ARPC1B: variants seen among roughly 807,000 people sequenced by gnomAD.
ARPC1B encodes the protein actin-related protein 2/3 complex subunit 1B.
In ARPC1B, 29 loss-of-function variants were observed where a neutral mutation model predicts 46.0. The ratio of observed to expected loss-of-function variants is 0.63; its 90% CI spans 0.47 to 0.86. ARPC1B has a LOEUF of 0.86. Among genes scored for constraint, ARPC1B ranks in the 40% least tolerant of loss-of-function variants. ARPC1B has a pLI of 0.00. For missense variants in ARPC1B, 469 were observed against 529.4 expected (o/e 0.89, Z 1.12); for synonymous variants, 201 against 213.9 (o/e 0.94, Z 0.53).
chr7:99,386,913 A>G, intron 3 of ARPC1B, 124 bp downstream of exon 3: 1 of 738,816 alleles, frequency 1.4e-6, no homozygotes, highest in Non-Finnish European at 2.3e-6. Flanking sequence ...CCGGATTCAA[A>G]CTGGCTTCAA....
intron 8 of ARPC1B, 129 bp from the exon 9 acceptor site, chr7:99,393,900 A>C: frequency 1.1e-6 from 1 of 880,438 alleles, no homozygotes; most frequent in Non-Finnish European, 1.9e-6. Flanking sequence ...TTCTAAGCCC[A>C]CTACACCCCC....
rs140507816 is a variant in ARPC1B, at chr7:99,394,067, C to T, written c.1028C>T (p.Ser343Leu). The change falls in exon 9 of 10, where the codon TCG (serine) becomes TTG (leucine). Residue 343 changes from serine to leucine, a missense_variant. Coordinates refer to ENST00000646101, the MANE Select transcript of ARPC1B (RefSeq NM_005720.4). Reference sequence around the variant, plus strand: ...CTCAGCGGCGGCAAGGCCAAGTGCTCGCAGTTCTGCACCACTGGCATGGAT... The same window carrying T: ...CTCAGCGGCGGCAAGGCCAAGTGCTTGCAGTTCTGCACCACTGGCATGGAT... ...SVLSGGKAKC[S>L]QFCTTGMDGG... 23 of 1,613,428 alleles carry T rather than the reference C, an allele frequency of 1.4e-5. No individual in the cohort carries two copies. The African/African-American group carries it at 2.1e-4, about 15-fold the overall frequency.
chr7:99,377,628 TCTTC>T (rs1794066086), intron 1 of ARPC1B, among the ~76,000 whole-genome samples: 3 of 149,416 alleles, frequency 2.0e-5, no homozygotes, highest in African/African-American at 7.3e-5. Context: ...TTCTTCTTCT[TCTTC>T]TTTTTTTTTT....
In ARPC1B at chr7:99,392,895, C is replaced by A. The variant is rs1794616637; in HGVS notation, c.989+19C>A. ...GCGTCAGGTGAGAGCGGGAGCCGGG[C>A]CGGCGGGTGGGCGGGGCCTCGGCTC... is the stretch of plus-strand genomic sequence containing the variant. On this transcript the variant is annotated intron_variant, in intron 8 of 9. Coordinates refer to ENST00000646101, the MANE Select transcript of ARPC1B (RefSeq NM_005720.4). The A allele has an allele frequency of 1.3e-6, 2 of 1,523,600 alleles. No individual in the cohort carries two copies. Among genetic ancestry groups the A allele is most frequent in the Non-Finnish European group, 1.8e-6 (2 of 1,130,844 alleles). 94.4% of individuals were successfully genotyped at this position (1,523,600 alleles called of 1,614,324 possible).
rs992281050 is a variant in ARPC1B, at chr7:99,392,571, G to A, written c.784-100G>A. ...CGCTGTGGCCCGTCTGTATCCTTGA[G>A]CTGGCATCTGCCTCCCGGGCGGCCA... On this transcript the variant is annotated intron_variant, in intron 7 of 9. Transcript: ENST00000646101. 2.7e-5 allele frequency: 29 copies of A among 1,076,124 alleles called. No individual in the cohort carries two copies. The Middle Eastern group carries it at 9.4e-4, about 35-fold the overall frequency. 66.7% of individuals were successfully genotyped at this position (1,076,124 alleles called of 1,614,324 possible).
At chr7:99,381,018 TTC>T (rs1008278118) in intron 1 of ARPC1B, among the ~76,000 whole-genome samples, 3 of 152,188 alleles carry the variant, frequency 2.0e-5, no homozygotes, top group Non-Finnish European at 2.9e-5. Context: ...GGCCTTGAGC[TTC>T]TCTCTGCACA....
At position 99,394,635 on chromosome 7, in the gene ARPC1B, A is replaced by C; in HGVS notation, c.*146A>C. 1 of 1,456,438 alleles carries C rather than the reference A, an allele frequency of 6.9e-7. No homozygotes were observed. The highest frequency in any genetic ancestry group is 9.1e-7 in the Non-Finnish European group (1 of 1,104,634). 90.2% of individuals were successfully genotyped at this position (1,456,438 alleles called of 1,614,324 possible). ...GCTCCCTCAAAAAGGGAGGGGACAG[A>C]TGGGGAGCTTTTCTTACCTATTCAA... On this transcript the variant is annotated 3_prime_UTR_variant, in exon 10 of 10. Transcript: ENST00000646101.
At chr7:99,391,469 G>T (rs191602986) in intron 7 of ARPC1B, among the ~76,000 whole-genome samples, 18 of 152,324 alleles carry the variant, frequency 1.2e-4, no homozygotes, top group African/African-American at 3.8e-4. Context: ...ATTTGGCCAG[G>T]TGCGGTGGCT....
rs1562809985 is a variant in ARPC1B, at chr7:99,378,410, G to A, written c.-14+3629G>A. On this transcript the variant is annotated intron_variant, in intron 1 of 9. Coordinates refer to ENST00000646101, the MANE Select transcript of ARPC1B (RefSeq NM_005720.4). The stretch of plus-strand genomic sequence containing the variant: ...AAAAAGAAAAATGGGGCCAGGCGTG[G>A]TGGCTCACACCTGTAATCCCAGCAC... Among the ~76,000 whole-genome samples, 4 of 151,926 alleles carry A rather than the reference G, an allele frequency of 2.6e-5. No individual in the cohort carries two copies. The South Asian group carries it at 8.3e-4, about 32-fold the overall frequency.
intron 8 of ARPC1B, among the ~76,000 whole-genome samples, chr7:99,393,680 G>A (rs1438831993): frequency 6.6e-6 from 1 of 152,152 alleles, no homozygotes; most frequent in Non-Finnish European, 1.5e-5. Flanking sequence ...CGCCAGATCC[G>A]ATGGCTTCCT....
At chr7:99,375,729 C>T (rs904228988) in intron 1 of ARPC1B, among the ~76,000 whole-genome samples, 9 of 152,196 alleles carry the variant, frequency 5.9e-5, no homozygotes, top group Non-Finnish European at 8.8e-5. Flanking sequence ...TGGAGGCCAG[C>T]ATGGACAGCA....
At chr7:99,381,864 G>A (rs1158835071) in intron 1 of ARPC1B, among the ~76,000 whole-genome samples, 3 of 152,226 alleles carry the variant, frequency 2.0e-5, no homozygotes, top group Non-Finnish European at 4.4e-5. Context: ...CCGGCCCCTG[G>A]GCAGGGCAGT....
In ARPC1B at chr7:99,394,634, G is replaced by T. The variant is rs1794705717; in HGVS notation, c.*145G>T. 6.9e-7 allele frequency: 1 copy of T among 1,457,322 alleles called. No individual in the cohort carries two copies. The highest frequency in any genetic ancestry group is 1.4e-5 in the African/African-American group (1 of 69,140). The allele number at this position is 1,457,322 out of a possible 1,614,324, so 90.3% of individuals were successfully genotyped here. On this transcript the variant is annotated 3_prime_UTR_variant, in exon 10 of 10. Transcript: ENST00000646101. ...TGCTCCCTCAAAAAGGGAGGGGACA[G>T]ATGGGGAGCTTTTCTTACCTATTCA...
intron 1 of ARPC1B, among the ~76,000 whole-genome samples, chr7:99,381,160 C>CA (rs1370024690): frequency 3.3e-5 from 5 of 152,300 alleles, no homozygotes; most frequent in African/African-American, 1.2e-4. Flanking sequence ...TCACCTTACA[C>CA]AAAGAGGCCT....
intron 3 of ARPC1B, 60 bp downstream of exon 3, chr7:99,386,849 G>A (rs1199029127): frequency 6.2e-6 from 8 of 1,284,580 alleles, no homozygotes; most frequent in Admixed American, 1.8e-5. Context: ...GGGGGGTGGT[G>A]CAAGGCAGGG....
At position 99,394,615 on chromosome 7, in the gene ARPC1B, C is replaced by G; in HGVS notation, c.*126C>G. 1 of 1,514,690 alleles carries G rather than the reference C, an allele frequency of 6.6e-7. No homozygotes were observed. Among genetic ancestry groups the G allele is most frequent in the East Asian group, 2.4e-5 (1 of 41,856 alleles). The allele number at this position is 1,514,690 out of a possible 1,614,324, so 93.8% of individuals were successfully genotyped here. ...TACGAGTTCCCATAGGGGCTGCTCC[C>G]TCAAAAAGGGAGGGGACAGATGGGG... On this transcript the variant is annotated 3_prime_UTR_variant, in exon 10 of 10. Transcript: ENST00000646101.
At chr7:99,384,419 CT>C (rs1794317571) in intron 1 of ARPC1B, among the ~76,000 whole-genome samples, 1 of 130,212 alleles carries the variant, frequency 7.7e-6, no homozygotes, top group African/African-American at 3.4e-5. Flanking sequence ...AGACCCCCCT[CT>C]CTACAAACAA....
At position 99,386,711 on chromosome 7, in the gene ARPC1B, G is replaced by A; in HGVS notation, c.91G>A (p.Glu31Lys). The stretch of plus-strand genomic sequence containing the variant: ...GATTGCCATCTGCCCCAACAACCAT[G>A]AGGTGCATATCTATGAAAAGAGCGG... ...TQIAICPNNHEVHIYEKSGAK... is the reference protein window; with the variant it reads ...TQIAICPNNHKVHIYEKSGAK... Residue 31 changes from glutamate to lysine, a missense_variant, in exon 3 of 10, where the codon GAG becomes AAG. By Grantham distance (56) the Glu-to-Lys change is moderately conservative (BLOSUM62 1). Transcript: ENST00000646101. The A allele has an allele frequency of 1.2e-6, 2 of 1,614,110 alleles. No individual in the cohort carries two copies. The highest frequency in any genetic ancestry group is 1.7e-5 in the Admixed American group (1 of 60,014).
At chr7:99,394,210 A>C in intron 9 of ARPC1B, 91 bp downstream of exon 9, 1 of 1,393,208 alleles carries the variant, frequency 7.2e-7, no homozygotes, top group Non-Finnish European at 1.0e-6. Context: ...CCCATCCTTC[A>C]CTCCTGCAGA....
Sources: allele counts gnomAD v4.1 joint callset (sites outside exome capture counted in the v4.1 genomes callset), GRCh38; gene constraint gnomAD v4.1.1; transcripts MANE v1.5; gene names NCBI Gene and HGNC (gene_info 2026-07-23, HGNC 2026-07-21).